Variants in ATP6V0E1 observed in about 807,000 individuals in gnomAD.
ATP6V0E1 encodes the protein ATPase H+ transporting V0 subunit e1, also known as V-type proton ATPase subunit e 1.
ATP6V0E1 carries 4 observed loss-of-function variants against 11.6 expected under a neutral mutation model. That is an observed-to-expected ratio of 0.35 (90% confidence interval 0.17 to 0.79). The LOEUF (loss-of-function observed/expected upper bound fraction) is 0.79. Among genes scored for constraint, ATP6V0E1 ranks in the 30% least tolerant of loss-of-function variants. The pLI, the probability that ATP6V0E1 is intolerant of heterozygous loss-of-function variation, is 0.54. For synonymous variants in ATP6V0E1, 36 were observed against 34.8 expected (o/e 1.04, Z -0.13); for missense variants, 105 against 100.0 (o/e 1.05, Z -0.21).
At chr5:172,989,693 A>T (rs1755950875) in intron 1 of ATP6V0E1, among the ~76,000 whole-genome samples, 1 of 151,886 alleles carries the variant, frequency 6.6e-6, no homozygotes. Flanking sequence ...TGCCCAGCTC[A>T]TTTTTGTATT....
Position 172,983,804 on chromosome 5 carries a change from T to C in ATP6V0E1, c.-57T>C, listed in dbSNP as rs1755838499. ...TGGTCACGCGGTCAGCTATTGACAC[T>C]TCCTGGTGGGATCCGAGTGAGGCGA... On this transcript the variant is annotated 5_prime_UTR_variant, in exon 1 of 4. Transcript: ENST00000519374. 15 of 1,548,170 alleles carry C rather than the reference T, an allele frequency of 9.7e-6. No individual in the cohort carries two copies. The South Asian group carries it at 1.4e-4, about 15-fold the overall frequency.
chr5:173,024,197 CAAAAA>C (rs56837002), intron 3 of ATP6V0E1, among the ~76,000 whole-genome samples: 6 of 73,472 alleles, frequency 8.2e-5, no homozygotes, highest in African/African-American at 2.4e-4. Context: ...GACTCCGTCT[CAAAAA>C]AAAAAAAAAA....
intron 3 of ATP6V0E1, among the ~76,000 whole-genome samples, chr5:173,031,996 A>G (rs1057287434): frequency 6.6e-5 from 10 of 151,374 alleles, no homozygotes; most frequent in Non-Finnish European, 1.5e-4. Flanking sequence ...ACAACAAAAA[A>G]TACAAAAATC....
At chr5:173,024,308 C>A (rs1581636092) in intron 3 of ATP6V0E1, among the ~76,000 whole-genome samples, 1 of 151,402 alleles carries the variant, frequency 6.6e-6, no homozygotes, top group Admixed American at 6.6e-5. Flanking sequence ...TGGCCAAGTT[C>A]CAGGGTATTC....
intron 1 of ATP6V0E1, among the ~76,000 whole-genome samples, chr5:172,989,518 T>A (rs1755947447): frequency 6.6e-6 from 1 of 151,436 alleles, no homozygotes; most frequent in South Asian, 2.1e-4. Context: ...TTTATTTATC[T>A]CCTTACTGAA....
At chr5:173,008,847 C>T (rs1756268817) in intron 2 of ATP6V0E1, among the ~76,000 whole-genome samples, 1 of 138,068 alleles carries the variant, frequency 7.2e-6, no homozygotes, top group East Asian at 2.2e-4. Flanking sequence ...GGAGGCAGAG[C>T]TTGCAGTGAG....
chr5:173,020,155 G>A, intron 2 of ATP6V0E1, 83 bp from the exon 3 acceptor site: 1 of 1,140,048 alleles, frequency 8.8e-7, no homozygotes, highest in South Asian at 1.3e-5. Flanking sequence ...TTTTGCTAGT[G>A]TACTTTTTCC....
chr5:172,996,556 C>T (rs932419762), intron 2 of ATP6V0E1, among the ~76,000 whole-genome samples: 11 of 148,420 alleles, frequency 7.4e-5, no homozygotes, highest in Middle Eastern at 3.4e-3. Context: ...AGCGAGACTC[C>T]GCCTCAAAAA....
chr5:173,005,171 A>C (rs1252562720), intron 2 of ATP6V0E1, among the ~76,000 whole-genome samples: 1 of 152,096 alleles, frequency 6.6e-6, no homozygotes, highest in Non-Finnish European at 1.5e-5. Flanking sequence ...AAAAAAAAAA[A>C]AACCTGTTGG....
chr5:173,016,839 T>A (rs986174615), intron 2 of ATP6V0E1, among the ~76,000 whole-genome samples: 4 of 152,228 alleles, frequency 2.6e-5, no homozygotes, highest in Non-Finnish European at 5.9e-5. Flanking sequence ...CTACAAGTCT[T>A]AGTATTGTGT....
intron 1 of ATP6V0E1, among the ~76,000 whole-genome samples, chr5:172,991,154 A>G (rs544299631): frequency 1.3e-5 from 2 of 152,296 alleles, no homozygotes; most frequent in South Asian, 2.1e-4. Context: ...AAACATGTAG[A>G]AAAGTAGGAA....
At chr5:173,024,365 A>C (rs905484742) in intron 3 of ATP6V0E1, among the ~76,000 whole-genome samples, 1 of 150,406 alleles carries the variant, frequency 6.6e-6, no homozygotes, top group Admixed American at 6.6e-5. Flanking sequence ...TTTACCCTTT[A>C]TATGGTTGTG....
chr5:173,026,184 C>T (rs1756555912), intron 3 of ATP6V0E1, among the ~76,000 whole-genome samples: 1 of 151,860 alleles, frequency 6.6e-6, no homozygotes, highest in African/African-American at 2.4e-5. Flanking sequence ...TGTATGGAGA[C>T]AGTGTTTCGC....
Position 173,000,964 on chromosome 5 carries a change from G to A in ATP6V0E1, c.152+6142G>A, listed in dbSNP as rs927212170. On this transcript the variant is annotated intron_variant, in intron 2 of 3. Transcript: ENST00000519374. ...GATCCACCCACCTTGGCCTCCCAAAGTGCTGGGATTACAGGTGTGAGCCAC... is the reference window on the plus strand; with the variant it reads ...GATCCACCCACCTTGGCCTCCCAAAATGCTGGGATTACAGGTGTGAGCCAC... 2.0e-5 allele frequency among the ~76,000 whole-genome samples: 3 copies of A among 152,160 alleles called. No individual in the cohort carries two copies. The South Asian group carries it at 6.2e-4, about 32-fold the overall frequency.
chr5:173,007,352 T>A (rs1241966491), intron 2 of ATP6V0E1, among the ~76,000 whole-genome samples: 3 of 152,180 alleles, frequency 2.0e-5, no homozygotes, highest in Non-Finnish European at 4.4e-5. Context: ...TCTATGTGCT[T>A]ATAGAACTGA....
intron 1 of ATP6V0E1, among the ~76,000 whole-genome samples, chr5:172,985,748 T>C (rs527623712): frequency 3.2e-4 from 49 of 152,346 alleles, no homozygotes; most frequent in Middle Eastern, 3.4e-3. Context: ...CCATCCTGTT[T>C]CCACTTAGCC....
intron 1 of ATP6V0E1, among the ~76,000 whole-genome samples, chr5:172,989,084 G>A (rs750385102): frequency 6.6e-6 from 1 of 152,088 alleles, no homozygotes; most frequent in Non-Finnish European, 1.5e-5. Flanking sequence ...GGCTCACACC[G>A]GCACTTTGGG....
chr5:173,016,497 C>T (rs981968163), intron 2 of ATP6V0E1, among the ~76,000 whole-genome samples: 3 of 152,186 alleles, frequency 2.0e-5, no homozygotes, highest in Non-Finnish European at 4.4e-5. Flanking sequence ...AACCACTCCG[C>T]TACAACATCC....
intron 1 of ATP6V0E1, among the ~76,000 whole-genome samples, chr5:172,984,804 A>C (rs1343026635): frequency 6.6e-6 from 1 of 152,186 alleles, no homozygotes; most frequent in East Asian, 1.9e-4. Context: ...ACTTCGACTG[A>C]AGTCAGTTTG....
Sources: allele counts gnomAD v4.1 joint callset (sites outside exome capture counted in the v4.1 genomes callset), GRCh38; gene constraint gnomAD v4.1.1; transcripts MANE v1.5; gene names NCBI Gene and HGNC (gene_info 2026-07-23, HGNC 2026-07-21).